PXDNL: variants seen among roughly 807,000 people sequenced by gnomAD.
The protein encoded by PXDNL is peroxidasin like.
In PXDNL, 145 loss-of-function variants were observed where a neutral mutation model predicts 150.8. The observed-to-expected ratio is 0.96, with a 90% CI of 0.84 to 1.10. The LOEUF (loss-of-function observed/expected upper bound fraction) is 1.10. Ranked by LOEUF, PXDNL falls within the 50% of genes least tolerant of loss-of-function variation. The probability of loss-of-function intolerance (pLI) is 0.00; values close to 1 mark genes in which losing one functional copy is unlikely to be tolerated. For missense variants in PXDNL, 2,087 were observed against 1,873.9 expected (o/e 1.11, Z -2.10); for synonymous variants, 757 against 725.7 (o/e 1.04, Z -0.69).
At chr8:51,616,188 T>C (rs1814126403) in intron 2 of PXDNL, among the ~76,000 whole-genome samples, 1 of 152,218 alleles carries the variant, frequency 6.6e-6, no homozygotes, top group Non-Finnish European at 1.5e-5. Flanking sequence ...AGACAGCTCA[T>C]TTTCAGTCTC....
At position 51,453,642 on chromosome 8, in the gene PXDNL, G is replaced by T. The variant is rs1809860562; in HGVS notation, c.1126C>A (p.His376Asn). The change falls in exon 10 of 23, where the codon CAC becomes AAC. Residue 376 changes from histidine (H) to asparagine (N), a missense_variant. By Grantham distance (68) the His-to-Asn change is moderately conservative. Transcript: ENST00000356297. Reference sequence around the variant, plus strand: ...TAAAGTCCACTGGACGTTGCCACGTGCCTGGATCCATCCAGCTCCAATCCA... The same window carrying T: ...TAAAGTCCACTGGACGTTGCCACGTTCCTGGATCCATCCAGCTCCAATCCA... ...DNGLELDGSRHVATSSGLYLQ... is the reference protein window; with the variant it reads ...DNGLELDGSRNVATSSGLYLQ... 3 of 1,613,930 alleles carry T rather than the reference G, an allele frequency of 1.9e-6. No homozygotes were observed. In the South Asian group the frequency reaches 3.3e-5, roughly 18 times the overall value.
chr8:51,342,146 A>G (rs1806004731), intron 20 of PXDNL, among the ~76,000 whole-genome samples: 2 of 152,020 alleles, frequency 1.3e-5, no homozygotes, highest in African/African-American at 4.8e-5. Context: ...TCTTATCACA[A>G]TAAAATAAAA....
chr8:51,354,894 G>C (rs1355212000), intron 19 of PXDNL, among the ~76,000 whole-genome samples: 3 of 152,058 alleles, frequency 2.0e-5, no homozygotes. Flanking sequence ...AGTAGAGTTT[G>C]ATTAATCATC....
At chr8:51,415,842 A>C (rs1001202468) in intron 14 of PXDNL, among the ~76,000 whole-genome samples, 1 of 152,220 alleles carries the variant, frequency 6.6e-6, no homozygotes, top group African/African-American at 2.4e-5. Flanking sequence ...ATGGACATAA[A>C]AGGTAATGAA....
intron 8 of PXDNL, among the ~76,000 whole-genome samples, chr8:51,468,520 T>C (rs1384336417): frequency 6.6e-6 from 1 of 151,954 alleles, no homozygotes; most frequent in Non-Finnish European, 1.5e-5. Flanking sequence ...ATAAATAGCA[T>C]ATAGCTGGAT....
chr8:51,782,642 C>T (rs1208705407), intron 1 of PXDNL, among the ~76,000 whole-genome samples: 1 of 152,204 alleles, frequency 6.6e-6, no homozygotes, highest in East Asian at 1.9e-4. Flanking sequence ...TTGACTTACA[C>T]TGAATAATCT....
intron 1 of PXDNL, among the ~76,000 whole-genome samples, chr8:51,685,370 A>C (rs933266701): frequency 2.6e-5 from 4 of 152,202 alleles, no homozygotes; most frequent in Admixed American, 6.5e-5. Context: ...TCATTCTTCA[A>C]ATGCCAGTTC....
chr8:51,333,970 A>G (rs1213889012), intron 21 of PXDNL, among the ~76,000 whole-genome samples: 4 of 152,162 alleles, frequency 2.6e-5, no homozygotes, highest in Non-Finnish European at 5.9e-5. Flanking sequence ...ACAAATGGAC[A>G]TAACAGATAT....
At chr8:51,633,193 C>A (rs2130759527) in intron 2 of PXDNL, among the ~76,000 whole-genome samples, 1 of 152,276 alleles carries the variant, frequency 6.6e-6, no homozygotes, top group South Asian at 2.1e-4. Context: ...GGATAATGAG[C>A]TCCAGCTGCA....
chr8:51,612,443 T>C (rs1454750730), intron 2 of PXDNL, among the ~76,000 whole-genome samples: 1 of 152,166 alleles, frequency 6.6e-6, no homozygotes, highest in East Asian at 1.9e-4. Flanking sequence ...GCATCTCTGG[T>C]GTTTGCTTCT....
chr8:51,629,014 A>C (rs1053327769), intron 2 of PXDNL, among the ~76,000 whole-genome samples: 2 of 152,174 alleles, frequency 1.3e-5, no homozygotes, highest in Non-Finnish European at 2.9e-5. Flanking sequence ...AGTTTGCAAA[A>C]GGCACTAATG....
chr8:51,651,484 G>A (rs1815035692), intron 2 of PXDNL, among the ~76,000 whole-genome samples: 1 of 152,072 alleles, frequency 6.6e-6, no homozygotes, highest in Admixed American at 6.6e-5. Flanking sequence ...ACAATTGGAA[G>A]GACCAGAAAT....
At chr8:51,462,185 A>T (rs1307417299) in intron 8 of PXDNL, among the ~76,000 whole-genome samples, 1 of 151,462 alleles carries the variant, frequency 6.6e-6, no homozygotes, top group East Asian at 1.9e-4. Flanking sequence ...AGATAAAGGA[A>T]CACCAGCCCT....
chr8:51,713,150 C>T (rs186989804), intron 1 of PXDNL, among the ~76,000 whole-genome samples: 103 of 152,334 alleles, frequency 6.8e-4, no homozygotes, highest in Non-Finnish European at 1.4e-3. Context: ...AACAAGCATA[C>T]ATTTGAATCT....
At chr8:51,464,770 T>C (rs1006374636) in intron 8 of PXDNL, among the ~76,000 whole-genome samples, 8 of 152,156 alleles carry the variant, frequency 5.3e-5, no homozygotes, top group Middle Eastern at 3.2e-3. Context: ...CTAATGTAGA[T>C]GACAGGTTGA....
intron 1 of PXDNL, among the ~76,000 whole-genome samples, chr8:51,690,315 C>T (rs1815967161): frequency 6.6e-6 from 1 of 152,076 alleles, no homozygotes. Context: ...TGCTATCCCT[C>T]CCCCTTCCCC....
intron 2 of PXDNL, among the ~76,000 whole-genome samples, chr8:51,617,623 T>A (rs2130728172): frequency 6.6e-6 from 1 of 152,368 alleles, no homozygotes; most frequent in Non-Finnish European, 1.5e-5. Flanking sequence ...TAAACATTAG[T>A]AAGCTGGTGC....
At chr8:51,429,265 A>T (rs1809190681) in intron 12 of PXDNL, among the ~76,000 whole-genome samples, 1 of 152,206 alleles carries the variant, frequency 6.6e-6, no homozygotes, top group African/African-American at 2.4e-5. Flanking sequence ...TCTGGAAAAG[A>T]GTTTGGAAAC....
chr8:51,501,392 A>T (rs565860724), intron 4 of PXDNL, among the ~76,000 whole-genome samples: 14 of 151,480 alleles, frequency 9.2e-5, no homozygotes, highest in Non-Finnish European at 1.8e-4. Context: ...ACCTACATGA[A>T]CACACTCTCA....
Sources: allele counts gnomAD v4.1 joint callset (sites outside exome capture counted in the v4.1 genomes callset), GRCh38; gene constraint gnomAD v4.1.1; transcripts MANE v1.5; gene names NCBI Gene and HGNC (gene_info 2026-07-23, HGNC 2026-07-21).